The following NMNAT2 variants were observed in gnomAD, a reference collection of about 807,000 sequenced individuals.
The protein encoded by NMNAT2 is nicotinamide nucleotide adenylyltransferase 2.
NMNAT2 carries 11 observed loss-of-function variants against 41.6 expected under a neutral mutation model. That is an observed-to-expected ratio of 0.26 (90% confidence interval 0.17 to 0.44). The LOEUF is 0.44. NMNAT2 is among the 20% of genes least tolerant of loss of function. The probability of loss-of-function intolerance (pLI) is 1.00; values close to 1 mark genes in which losing one functional copy is unlikely to be tolerated. For missense variants in NMNAT2, 288 were observed against 407.7 expected (o/e 0.71, Z 2.53); for synonymous variants, 148 against 151.2 (o/e 0.98, Z 0.16).
chr1:183,319,583 T>C (rs1191669885), intron 1 of NMNAT2, among the ~76,000 whole-genome samples: 1 of 152,238 alleles, frequency 6.6e-6, no homozygotes, highest in Non-Finnish European at 1.5e-5. Flanking sequence ...CCACTTGCCA[T>C]GGTGACAGTG....
chr1:183,369,829 G>A (rs1030726038), intron 1 of NMNAT2, among the ~76,000 whole-genome samples: 4 of 151,796 alleles, frequency 2.6e-5, no homozygotes, highest in South Asian at 4.2e-4. Flanking sequence ...GCTACTTTCC[G>A]TCTTAATAAA....
intron 1 of NMNAT2, among the ~76,000 whole-genome samples, chr1:183,370,650 A>G (rs1663516211): frequency 6.6e-6 from 1 of 152,206 alleles, no homozygotes; most frequent in Non-Finnish European, 1.5e-5. Flanking sequence ...AGGAAGAGGC[A>G]GCGTTGAGGA....
At chr1:183,347,960 T>C (rs1053478007) in intron 1 of NMNAT2, among the ~76,000 whole-genome samples, 1 of 152,126 alleles carries the variant, frequency 6.6e-6, no homozygotes, top group Non-Finnish European at 1.5e-5. Flanking sequence ...AATGGGGACA[T>C]GTCCACTAAA....
intron 6 of NMNAT2, 95 bp downstream of exon 6, chr1:183,284,615 T>TG: frequency 2.9e-6 from 3 of 1,026,202 alleles, no homozygotes; most frequent in Non-Finnish European, 1.5e-6. Context: ...GAATTTGCGG[T>TG]GGGGGGAATG....
At chr1:183,256,822 G>C (rs1254645821) in intron 10 of NMNAT2, among the ~76,000 whole-genome samples, 1 of 152,086 alleles carries the variant, frequency 6.6e-6, no homozygotes. Flanking sequence ...CATGATCTCA[G>C]TTCACTGCAA....
chr1:183,280,537 G>A (rs1661232863), intron 7 of NMNAT2, among the ~76,000 whole-genome samples: 1 of 151,764 alleles, frequency 6.6e-6, no homozygotes, highest in Non-Finnish European at 1.5e-5. Context: ...ACAGGTGCCT[G>A]CCACCACACC....
chr1:183,361,276 T>C (rs571469372), intron 1 of NMNAT2, among the ~76,000 whole-genome samples: 1 of 152,308 alleles, frequency 6.6e-6, no homozygotes, highest in Non-Finnish European at 1.5e-5. Flanking sequence ...CATCGCCATG[T>C]GGTCCACACT....
chr1:183,278,705 C>A, intron 7 of NMNAT2, 76 bp from the exon 8 acceptor site: 2 of 998,512 alleles, frequency 2.0e-6, no homozygotes, highest in South Asian at 1.3e-5. Context: ...CCTTCTTCCC[C>A]TGGTGAATAC....
At chr1:183,320,507 GA>G (rs1419577698) in intron 1 of NMNAT2, among the ~76,000 whole-genome samples, 1 of 152,204 alleles carries the variant, frequency 6.6e-6, no homozygotes, top group Non-Finnish European at 1.5e-5. Context: ...TCGGGAGGCT[GA>G]GGCAGGAGAA....
chr1:183,345,146 C>T (rs752404730), intron 1 of NMNAT2, among the ~76,000 whole-genome samples: 2 of 152,016 alleles, frequency 1.3e-5, no homozygotes, highest in African/African-American at 4.8e-5. Context: ...CTTGTCTCCC[C>T]CTAGCTGACT....
At chr1:183,323,600 G>T (rs1662400222) in intron 1 of NMNAT2, among the ~76,000 whole-genome samples, 1 of 152,190 alleles carries the variant, frequency 6.6e-6, no homozygotes, top group South Asian at 2.1e-4. Flanking sequence ...ATGCAAAGAA[G>T]TGGGCCCCAC....
At chr1:183,299,657 A>G (rs183096307) in intron 1 of NMNAT2, among the ~76,000 whole-genome samples, 1 of 152,058 alleles carries the variant, frequency 6.6e-6, no homozygotes, top group Non-Finnish European at 1.5e-5. Flanking sequence ...TCTCTTAAAA[A>G]AAAAAAAAAG....
intron 1 of NMNAT2, among the ~76,000 whole-genome samples, chr1:183,308,745 T>C (rs750020533): frequency 6.6e-6 from 1 of 152,036 alleles, no homozygotes; most frequent in Non-Finnish European, 1.5e-5. Context: ...ATAGTGATAA[T>C]AAGAGTGGTG....
At chr1:183,339,533 C>A (rs1571607237) in intron 1 of NMNAT2, among the ~76,000 whole-genome samples, 1 of 152,096 alleles carries the variant, frequency 6.6e-6, no homozygotes, top group East Asian at 1.9e-4. Flanking sequence ...GTACTGGGTT[C>A]AAATCCCAGA....
chr1:183,265,042 A>G (rs58734925), intron 8 of NMNAT2, among the ~76,000 whole-genome samples: 15,186 of 152,148 alleles, frequency 0.1, 893 homozygotes, highest in East Asian at 0.2. Context: ...AGGCTTCCAA[A>G]TTAATGTTTC....
intron 1 of NMNAT2, among the ~76,000 whole-genome samples, chr1:183,393,641 T>G (rs563252555): frequency 1.7e-4 from 26 of 152,302 alleles, no homozygotes; most frequent in Middle Eastern, 3.4e-3. Context: ...CCGCAACCTC[T>G]GCCTCCCGGG....
rs1660344324 is a variant in NMNAT2 at position 183,250,442 on chromosome 1, T to G, written c.*2199A>C. The G allele has an allele frequency of 6.6e-6, 1 of 152,306 alleles. No homozygotes were observed. Among genetic ancestry groups the G allele is most frequent in the Non-Finnish European group, 1.5e-5 (1 of 68,062 alleles). 9.4% of individuals were successfully genotyped at this position (152,306 alleles called of 1,614,324 possible). A position where few individuals can be genotyped will look rare whatever the true frequency, so the allele number is the denominator to read the frequency against. ...GTGTGGAGAGCACCTGGGACAGATA[T>G]AATTTAAAAGAAAGATGCCAGGGTA... is the stretch of plus-strand genomic sequence containing the variant. On this transcript the variant is annotated 3_prime_UTR_variant, in exon 11 of 11. Transcript: ENST00000287713.
chr1:183,366,723 T>G (rs754162515), intron 1 of NMNAT2, among the ~76,000 whole-genome samples: 1 of 152,006 alleles, frequency 6.6e-6, no homozygotes, highest in Admixed American at 6.5e-5. Flanking sequence ...TGAGGGACAT[T>G]TAAGAAGCAT....
At chr1:183,282,703 T>C (rs1379743828) in intron 7 of NMNAT2, among the ~76,000 whole-genome samples, 1 of 152,186 alleles carries the variant, frequency 6.6e-6, no homozygotes, top group South Asian at 2.1e-4. Context: ...CCTCCCATCC[T>C]TGCCTGTTGG....
Sources: gnomAD v4.1 joint callset for allele counts (sites outside exome capture counted in the v4.1 genomes callset) on GRCh38, gnomAD v4.1.1 for gene constraint, MANE v1.5 for transcripts, NCBI Gene and HGNC (gene_info 2026-07-23, HGNC 2026-07-21) for gene names.